The following SGCZ variants were observed in gnomAD, a reference collection of about 807,000 sequenced individuals.
The protein encoded by SGCZ is sarcoglycan zeta, also known as zeta-sarcoglycan.
A neutral mutation model predicts 41.3 loss-of-function variants in SGCZ; 40 were observed. The observed-to-expected ratio is 0.97, with a 90% confidence interval of 0.75 to 1.26. The LOEUF (loss-of-function observed/expected upper bound fraction) is 1.26, where lower values mean the gene tolerates loss of function less well. SGCZ is among the 50% of genes most tolerant of loss of function. SGCZ has a pLI of 0.00. For missense variants in SGCZ, 552 were observed against 369.8 expected (o/e 1.49, Z -4.04); for synonymous variants, 206 against 137.5 (o/e 1.50, Z -3.49).
At position 14,982,304 on chromosome 8, in the gene SGCZ, G is replaced by T. The variant is rs1206341004; in HGVS notation, c.39+255281C>A. On this transcript the variant is annotated intron_variant, in intron 1 of 7. Transcript: ENST00000382080. ...TTACGTGACATATTGCCAAGTCCGT[G>T]GAGTTCAAAGATAGGCCAAGCCAGA... 2.6e-5 allele frequency among the ~76,000 whole-genome samples: 4 copies of T among 152,176 alleles called. No homozygotes were observed. In the South Asian group the frequency reaches 8.3e-4, roughly 32 times the overall value.
At chr8:15,055,967 T>G (rs1804687757) in intron 1 of SGCZ, among the ~76,000 whole-genome samples, 2 of 152,352 alleles carry the variant, frequency 1.3e-5, no homozygotes, top group South Asian at 4.1e-4. Context: ...CAAACTTCAG[T>G]GAAATCTATC....
intron 3 of SGCZ, among the ~76,000 whole-genome samples, chr8:14,318,865 CAT>C (rs1801815631): frequency 6.6e-6 from 1 of 151,442 alleles, no homozygotes; most frequent in African/African-American, 2.4e-5. Flanking sequence ...AAACCAAACT[CAT>C]AGACAGTAAA....
At chr8:14,504,060 CAA>C (rs1802233274) in intron 2 of SGCZ, among the ~76,000 whole-genome samples, 1 of 152,072 alleles carries the variant, frequency 6.6e-6, no homozygotes, top group African/African-American at 2.4e-5. Flanking sequence ...ATTATTTTTC[CAA>C]AGAGTTCTTC....
At chr8:14,484,020 A>G (rs552688998) in intron 2 of SGCZ, among the ~76,000 whole-genome samples, 40 of 152,258 alleles carry the variant, frequency 2.6e-4, no homozygotes, top group African/African-American at 8.7e-4. Context: ...CACCTTAATG[A>G]CCATAGAAGA....
At chr8:14,714,729 GA>G (rs982875587) in intron 1 of SGCZ, among the ~76,000 whole-genome samples, 2 of 151,864 alleles carry the variant, frequency 1.3e-5, no homozygotes, top group African/African-American at 4.8e-5. Flanking sequence ...AAAAATACTA[GA>G]AAAAAATTAA....
chr8:14,530,227 A>G (rs1391460173), intron 2 of SGCZ, among the ~76,000 whole-genome samples: 2 of 152,022 alleles, frequency 1.3e-5, no homozygotes, highest in Admixed American at 6.6e-5. Context: ...TTTTTTAAAA[A>G]AAATATACTA....
chr8:14,445,841 A>T (rs529312938), intron 2 of SGCZ, among the ~76,000 whole-genome samples: 82 of 152,268 alleles, frequency 5.4e-4, no homozygotes, highest in South Asian at 1.2e-3. Context: ...GGTTCCACAC[A>T]GATCTTGCTC....
intron 1 of SGCZ, among the ~76,000 whole-genome samples, chr8:15,028,362 T>C (rs111553923): frequency 2.0e-5 from 3 of 151,556 alleles, no homozygotes; most frequent in African/African-American, 7.3e-5. Context: ...TCTTTCTAAG[T>C]TGAAGTCAGT....
intron 3 of SGCZ, among the ~76,000 whole-genome samples, chr8:14,292,925 T>C (rs1800889450): frequency 6.6e-6 from 1 of 152,052 alleles, no homozygotes; most frequent in African/African-American, 2.4e-5. Context: ...AAGCACATGT[T>C]TAGTAGAGTC....
intron 1 of SGCZ, among the ~76,000 whole-genome samples, chr8:15,189,269 T>A (rs952789274): frequency 1.3e-5 from 2 of 151,986 alleles, no homozygotes; most frequent in African/African-American, 4.8e-5. Context: ...GAGCAAAGAG[T>A]TTGACCAAGG....
intron 4 of SGCZ, among the ~76,000 whole-genome samples, chr8:14,196,717 T>A (rs1460286624): frequency 6.6e-6 from 1 of 152,112 alleles, no homozygotes; most frequent in South Asian, 2.1e-4. Context: ...AGTAATAGAC[T>A]AATGGCATAT....
chr8:14,341,141 T>A (rs1802690819), intron 2 of SGCZ, among the ~76,000 whole-genome samples: 1 of 152,240 alleles, frequency 6.6e-6, no homozygotes, highest in Non-Finnish European at 1.5e-5. Flanking sequence ...TATTATGCTA[T>A]CTGTATATAC....
At chr8:15,177,123 G>A (rs1800023373) in intron 1 of SGCZ, among the ~76,000 whole-genome samples, 1 of 152,172 alleles carries the variant, frequency 6.6e-6, no homozygotes, top group African/African-American at 2.4e-5. Flanking sequence ...TTTCCAGGGA[G>A]AGCAAATTCA....
chr8:15,062,647 C>A (rs991311855), intron 1 of SGCZ, among the ~76,000 whole-genome samples: 2 of 152,106 alleles, frequency 1.3e-5, no homozygotes, highest in African/African-American at 2.4e-5. Context: ...ACATTTGCAA[C>A]CTAACACTTT....
intron 2 of SGCZ, among the ~76,000 whole-genome samples, chr8:14,431,791 T>C (rs1032596061): frequency 1.3e-5 from 2 of 152,078 alleles, no homozygotes; most frequent in East Asian, 1.9e-4. Flanking sequence ...CATCTGACAA[T>C]GGACTAATAT....
chr8:15,135,866 C>A (rs1260564151), intron 1 of SGCZ, among the ~76,000 whole-genome samples: 1 of 152,188 alleles, frequency 6.6e-6, no homozygotes, highest in Non-Finnish European at 1.5e-5. Context: ...AGGGCTACCC[C>A]ATCCATAAGC....
At chr8:14,506,901 C>T (rs1296509816) in intron 2 of SGCZ, among the ~76,000 whole-genome samples, 2 of 152,132 alleles carry the variant, frequency 1.3e-5, no homozygotes, top group Non-Finnish European at 2.9e-5. Context: ...CATCCCCTTG[C>T]CCTTTAGACT....
At chr8:14,434,989 T>C (rs1800047763) in intron 2 of SGCZ, among the ~76,000 whole-genome samples, 1 of 152,100 alleles carries the variant, frequency 6.6e-6, no homozygotes, top group Admixed American at 6.6e-5. Context: ...AGAAATAAAT[T>C]TGTGTTCATT....
intron 2 of SGCZ, among the ~76,000 whole-genome samples, chr8:14,469,223 T>C (rs17119308): frequency 0.011 from 1,733 of 152,248 alleles, 31 homozygotes; most frequent in African/African-American, 0.039. Context: ...TACTACTACC[T>C]ATACAGAAAG....
Sources: gnomAD v4.1 joint callset for allele counts (sites outside exome capture counted in the v4.1 genomes callset) on GRCh38, gnomAD v4.1.1 for gene constraint, MANE v1.5 for transcripts, NCBI Gene and HGNC (gene_info 2026-07-23, HGNC 2026-07-21) for gene names.